LIPH: variants seen among roughly 807,000 people sequenced by gnomAD.
LIPH encodes lipase H.
LIPH carries 32 observed loss-of-function variants against 47.6 expected under a neutral mutation model. The observed-to-expected ratio is 0.67, with a 90% CI of 0.51 to 0.90. The LOEUF is 0.90. Ranked by LOEUF, LIPH falls within the 40% of genes least tolerant of loss-of-function variation. The pLI is 0.00. For synonymous variants in LIPH, 190 were observed against 195.6 expected (o/e 0.97, Z 0.24); for missense variants, 497 against 541.4 (o/e 0.92, Z 0.81).
chr3:185,549,393 G>A (rs1235034083), intron 1 of LIPH, among the ~76,000 whole-genome samples: 1 of 152,106 alleles, frequency 6.6e-6, no homozygotes, highest in African/African-American at 2.4e-5. Flanking sequence ...CACCACACAG[G>A]CACAGTTCCA....
intron 4 of LIPH, among the ~76,000 whole-genome samples, chr3:185,526,675 ATATAAT>A (rs201712749): frequency 0.033 from 1,071 of 32,752 alleles, 12 homozygotes; most frequent in African/African-American, 0.083. Flanking sequence ...ATATAATATA[ATATAAT>A]ATAATATAAA....
intron 1 of LIPH, among the ~76,000 whole-genome samples, chr3:185,542,794 C>G (rs142030450): frequency 6.6e-6 from 1 of 152,250 alleles, no homozygotes; most frequent in East Asian, 1.9e-4. Context: ...CTCATAAAAA[C>G]GGATGAAATC....
In LIPH at chr3:185,538,885, ATATATACG is replaced by A. The variant is rs1242812792; in HGVS notation, c.50-3761_50-3754del. 2.7e-4 allele frequency among the ~76,000 whole-genome samples: 38 copies of A among 139,566 alleles called. 1 individual carries two copies. Among genetic ancestry groups the A allele is most frequent in the African/African-American group, 6.1e-4 (23 of 37,982 alleles). 91.6% of individuals were successfully genotyped at this position (139,566 alleles called of 152,430 possible). ...TATACATATATACACATATATATAC[ATATATACG>A]TATATACACATATACACATATATAC... is the stretch of plus-strand genomic sequence containing the variant. On this transcript the variant is annotated intron_variant, in intron 1 of 9. Transcript: ENST00000296252.
At chr3:185,530,141 G>T (rs1309342647) in intron 3 of LIPH, among the ~76,000 whole-genome samples, 1 of 152,088 alleles carries the variant, frequency 6.6e-6, no homozygotes, top group African/African-American at 2.4e-5. Context: ...TTGCACCACT[G>T]CACTCCAGCC....
chr3:185,514,530 C>CAGAGAGAGAACACGGTAAG lies in LIPH; in HGVS notation c.983-28_983-10dup, dbSNP rs1553820464. 1.0e-6 allele frequency: 1 copy of CAGAGAGAGAACACGGTAAG among 995,180 alleles called. No individual in the cohort carries two copies. The highest frequency in any genetic ancestry group is 1.7e-5 in the Admixed American group (1 of 59,244). 61.6% of individuals were successfully genotyped at this position (995,180 alleles called of 1,614,324 possible). On this transcript the variant is annotated splice_polypyrimidine_tract_variant and intron_variant, in intron 7 of 9. Transcript: ENST00000296252. ...CACAAAGTAATGATACACTGCAAAA[C>CAGAGAGAGAACACGGTAAG]AGAGAGAGAACACGGTAAGAGAGAG...
At chr3:185,540,185 T>G (rs1011546401) in intron 1 of LIPH, among the ~76,000 whole-genome samples, 4 of 152,168 alleles carry the variant, frequency 2.6e-5, no homozygotes, top group African/African-American at 9.6e-5. Context: ...ATAGATCTCT[T>G]GCACATCCCT....
At chr3:185,529,906 A>AAAGAAAG (rs1345935106) in intron 3 of LIPH, among the ~76,000 whole-genome samples, 3 of 122,716 alleles carry the variant, frequency 2.4e-5, no homozygotes, top group African/African-American at 9.7e-5. Flanking sequence ...AGAGAGAAAG[A>AAAGAAAG]AAAGAAAGAA....
At chr3:185,531,211 C>T (rs1253804857) in intron 3 of LIPH, among the ~76,000 whole-genome samples, 1 of 152,102 alleles carries the variant, frequency 6.6e-6, no homozygotes, top group African/African-American at 2.4e-5. Flanking sequence ...AATCTCAGTT[C>T]CTTTAATTTA....
chr3:185,537,005 C>A (rs563971783), intron 1 of LIPH, among the ~76,000 whole-genome samples: 6 of 152,316 alleles, frequency 3.9e-5, no homozygotes, highest in Non-Finnish European at 7.3e-5. Context: ...CTGCCTCAGC[C>A]TCCCAAGTAG....
chr3:185,528,323 G>GAAGAAAAGAAAGAAAGAAAGA, intron 3 of LIPH, among the ~76,000 whole-genome samples: 1 of 125,514 alleles, frequency 8.0e-6, no homozygotes, highest in East Asian at 2.4e-4. Flanking sequence ...AAGAAAGAAA[G>GAAGAAAAGAAAGAAAGAAAGA]AAGAAAGAAA....
intron 1 of LIPH, among the ~76,000 whole-genome samples, chr3:185,537,056 T>C (rs1431482991): frequency 6.6e-6 from 1 of 152,212 alleles, no homozygotes; most frequent in East Asian, 1.9e-4. Flanking sequence ...AGCTAATTTT[T>C]GTATTTTTAG....
At chr3:185,546,907 A>T in intron 1 of LIPH, 1 of 454,306 alleles carries the variant, frequency 2.2e-6, no homozygotes, top group Non-Finnish European at 4.4e-6. Context: ...TTTATTTCCC[A>T]TATTTCTGAC....
At chr3:185,522,913 T>A (rs1719954186) in intron 5 of LIPH, among the ~76,000 whole-genome samples, 1 of 152,228 alleles carries the variant, frequency 6.6e-6, no homozygotes, top group African/African-American at 2.4e-5. Context: ...AGTCTTTTTA[T>A]CTATATTTAC....
Position 185,508,682 on chromosome 3 carries a change from G to C in LIPH, c.*108C>G. 1 of 829,344 alleles carries C rather than the reference G, an allele frequency of 1.2e-6. No individual in the cohort carries two copies. Among genetic ancestry groups the C allele is most frequent in the East Asian group, 2.5e-5 (1 of 40,232 alleles). 51.4% of individuals were successfully genotyped at this position (829,344 alleles called of 1,614,324 possible). A position where few individuals can be genotyped will look rare whatever the true frequency, so the allele number is the denominator to read the frequency against. On this transcript the variant is annotated 3_prime_UTR_variant, in exon 10 of 10. Transcript: ENST00000296252. ...TAGGACGCTACTGAAAAAAGCCTTG[G>C]TTTTTTTCATACTTTTTCTGCCTTG...
Position 185,533,685 on chromosome 3 carries a change from AT to A in LIPH, c.418-7del, listed in dbSNP as rs778968207. On this transcript the variant is annotated splice_polypyrimidine_tract_variant and splice_region_variant and intron_variant, in intron 2 of 9. Transcript: ENST00000296252. ...TCAAGAGAAGCTCCTTCTGCCTGGAATTTCAAGAGGTCCATCATTGTAAATT... is the reference window on the plus strand; with the variant it reads ...TCAAGAGAAGCTCCTTCTGCCTGGAATTCAAGAGGTCCATCATTGTAAATT... 1 of 1,576,676 alleles carries A rather than the reference AT, an allele frequency of 6.3e-7. No homozygotes were observed. Among genetic ancestry groups the A allele is most frequent in the South Asian group, 1.1e-5 (1 of 90,342 alleles).
At chr3:185,511,959 T>C (rs1719580611) in intron 8 of LIPH, among the ~76,000 whole-genome samples, 1 of 151,956 alleles carries the variant, frequency 6.6e-6, no homozygotes, top group Non-Finnish European at 1.5e-5. Flanking sequence ...AAAATGACAT[T>C]AGAGAGGCAC....
chr3:185,526,619 AT>A (rs58142803), intron 4 of LIPH, among the ~76,000 whole-genome samples: 2,059 of 27,548 alleles, frequency 0.075, 66 homozygotes, highest in African/African-American at 0.11. Context: ...AAATAAAATA[AT>A]AAAATAAAAT....
chr3:185,520,496 G>A (rs940423192), intron 5 of LIPH, among the ~76,000 whole-genome samples: 3 of 151,108 alleles, frequency 2.0e-5, no homozygotes, highest in Admixed American at 6.6e-5. Context: ...CAGCCTGGGC[G>A]ATAGAGCAAG....
chr3:185,526,591 AAAAT>A (rs1720086361), intron 4 of LIPH, among the ~76,000 whole-genome samples: 2 of 142,154 alleles, frequency 1.4e-5, no homozygotes, highest in Non-Finnish European at 3.0e-5. Flanking sequence ...AAGATAAAAT[AAAAT>A]AAAATAAAAT....
Sources: gnomAD v4.1 joint callset for allele counts (sites outside exome capture counted in the v4.1 genomes callset) on GRCh38, gnomAD v4.1.1 for gene constraint, MANE v1.5 for transcripts, NCBI Gene and HGNC (gene_info 2026-07-23, HGNC 2026-07-21) for gene names.